BRWD3: variants seen among roughly 807,000 people sequenced by gnomAD.
BRWD3 encodes the protein bromodomain and WD repeat domain containing 3.
A neutral mutation model predicts 149.7 loss-of-function variants in BRWD3; 10 were observed. The observed-to-expected ratio is 0.07, with a 90% CI of 0.04 to 0.11. BRWD3 has a LOEUF of 0.11. Ranked by LOEUF, BRWD3 falls within the 10% of genes least tolerant of loss-of-function variation. The pLI, the probability that BRWD3 is intolerant of heterozygous loss-of-function variation, is 1.00. For synonymous variants in BRWD3, 504 were observed against 456.7 expected (o/e 1.10, Z -1.32); for missense variants, 940 against 1,373.2 (o/e 0.68, Z 4.99).
At chrX:80,783,396 A>G (rs1395233512) in intron 6 of BRWD3, among the ~76,000 whole-genome samples, 1 of 109,121 alleles carries the variant, frequency 9.2e-6, no homozygotes, top group African/African-American at 3.3e-5. Context: ...AAAAAAAAAA[A>G]AAAAAATCCA....
At chrX:80,804,053 C>A (rs1012917263) in intron 4 of BRWD3, among the ~76,000 whole-genome samples, 1 of 112,192 alleles carries the variant, frequency 8.9e-6, no homozygotes, top group Non-Finnish European at 1.9e-5. Context: ...CAATAACAAA[C>A]AATCTTTATA....
intron 14 of BRWD3, among the ~76,000 whole-genome samples, chrX:80,727,912 C>T (rs1309484830): frequency 8.9e-6 from 1 of 111,904 alleles, no homozygotes; most frequent in African/African-American, 3.2e-5. Flanking sequence ...TAAACTCTAG[C>T]ATGACAGGAC....
At chrX:80,725,855 TATAAC>T (rs768423759) in intron 14 of BRWD3, among the ~76,000 whole-genome samples, 62 of 106,641 alleles carry the variant, frequency 5.8e-4, no homozygotes, top group African/African-American at 1.7e-3. Flanking sequence ...TACATGCCTA[TATAAC>T]ATAACATGTT....
intron 8 of BRWD3, 40 bp from the exon 9 acceptor site, chrX:80,736,128 A>G (rs1281103994): frequency 1.2e-6 from 1 of 868,251 alleles, no homozygotes; most frequent in Non-Finnish European, 1.7e-6. Context: ...AAAAGTTTTC[A>G]TGTTCAGCCT....
At chrX:80,804,934 G>T (rs1464418290) in intron 4 of BRWD3, among the ~76,000 whole-genome samples, 1 of 111,721 alleles carries the variant, frequency 9.0e-6, no homozygotes, top group Non-Finnish European at 1.9e-5. Flanking sequence ...TTAAAATTCT[G>T]GAAAATTTAG....
In BRWD3 at chrX:80,690,097, G is replaced by A; in HGVS notation, c.3603-5C>T. The A allele has an allele frequency of 3.3e-6, 4 of 1,205,092 alleles. No homozygotes were observed. Among genetic ancestry groups the A allele is most frequent in the Non-Finnish European group, 4.5e-6 (4 of 890,926 alleles). On this transcript the variant is annotated splice_polypyrimidine_tract_variant and splice_region_variant and intron_variant, in intron 31 of 40. Coordinates refer to ENST00000373275, the MANE Select transcript of BRWD3 (RefSeq NM_153252.5). ...CACATTAATGCTGATATTCTCCTGTGAAAGAAAAAATACTCTGTTAGCCTT... is the reference window on the plus strand; with the variant it reads ...CACATTAATGCTGATATTCTCCTGTAAAAGAAAAAATACTCTGTTAGCCTT...
At position 80,725,144 on chromosome X, in the gene BRWD3, C is replaced by T. The variant is rs765217855; in HGVS notation, c.1387-77G>A. The T allele has an allele frequency of 1.2e-5, 12 of 1,029,527 alleles. No homozygotes were observed. In the South Asian group the frequency reaches 2.1e-4, roughly 18 times the overall value. The allele number at this position is 1,029,527 out of a possible 1,213,427, so 84.8% of individuals were successfully genotyped here. On this transcript the variant is annotated intron_variant, in intron 14 of 40. Coordinates refer to ENST00000373275, the MANE Select transcript of BRWD3 (RefSeq NM_153252.5). ...ATTTGGTAAAAAGGTCTTCAGTGTG[C>T]TATCAGTTAGGTTCAAATGAATTTA...
At position 80,760,510 on chromosome X, in the gene BRWD3, T is replaced by C. The variant is rs140855074; in HGVS notation, c.431-14781A>G. 3.2e-3 allele frequency among the ~76,000 whole-genome samples: 357 copies of C among 112,161 alleles called. 2 individuals are homozygous for C. Among genetic ancestry groups the C allele is most frequent in the African/African-American group, 0.011 (336 of 30,948 alleles). The stretch of plus-strand genomic sequence containing the variant: ...GAAATTAAGAACACTGAATGGACTT[T>C]GAAAAAAGGCACAGGAAAATGCCAT... On this transcript the variant is annotated intron_variant, in intron 6 of 40. Coordinates refer to ENST00000373275, the MANE Select transcript of BRWD3 (RefSeq NM_153252.5).
At position 80,793,742 on chromosome X, in the gene BRWD3, A is replaced by G. The variant is rs1185515187; in HGVS notation, c.211T>C (p.Tyr71His). 8.3e-7 allele frequency: 1 copy of G among 1,207,110 alleles called. No homozygotes were observed. The highest frequency in any genetic ancestry group is 1.1e-6 in the Non-Finnish European group (1 of 892,615). The change falls in exon 5 of 41, where the codon TAC (tyrosine) becomes CAC (histidine). Residue 71 changes from tyrosine to histidine, a missense_variant. Physicochemically the swap from Tyr to His is moderately conservative, Grantham distance 83. Coordinates refer to ENST00000373275, the MANE Select transcript of BRWD3 (RefSeq NM_153252.5). Reference sequence around the variant, plus strand: ...ATTCTCTCACAAATTTTAAGGAGGTAGTCTGGAGGAATGTGTGCATTTGCT... The same window carrying G: ...ATTCTCTCACAAATTTTAAGGAGGTGGTCTGGAGGAATGTGTGCATTTGCT... ...VAANAHIPPD[Y>H]LLKICERIGP...
chrX:80,776,294 C>T (rs1486333936), intron 6 of BRWD3, among the ~76,000 whole-genome samples: 1 of 111,588 alleles, frequency 9.0e-6, no homozygotes, highest in African/African-American at 3.3e-5. Flanking sequence ...ACTAACTAGT[C>T]CAGTCATTAT....
intron 6 of BRWD3, among the ~76,000 whole-genome samples, chrX:80,766,951 G>A (rs1454023516): frequency 8.9e-6 from 1 of 112,263 alleles, no homozygotes; most frequent in African/African-American, 3.2e-5. Flanking sequence ...GGCACACTAG[G>A]AGATTATAGC....
chrX:80,748,349 G>A (rs2073621989), intron 6 of BRWD3, among the ~76,000 whole-genome samples: 1 of 112,209 alleles, frequency 8.9e-6, no homozygotes, highest in African/African-American at 3.2e-5. Flanking sequence ...TTGGCCTTTA[G>A]TTTCCCTGTA....
At chrX:80,802,464 AAAAATT>A (rs2074310203) in intron 4 of BRWD3, among the ~76,000 whole-genome samples, 1 of 107,395 alleles carries the variant, frequency 9.3e-6, no homozygotes, top group African/African-American at 3.4e-5. Context: ...AAAAAAAAAA[AAAAATT>A]AAAAATTAAG....
At chrX:80,726,026 CATAT>C (rs72082762) in intron 14 of BRWD3, among the ~76,000 whole-genome samples, 4 of 107,624 alleles carry the variant, frequency 3.7e-5, no homozygotes, top group African/African-American at 1.3e-4. Flanking sequence ...GTCTATATAA[CATAT>C]AACATGTTTA....
At chrX:80,753,001 T>A (rs776901863) in intron 6 of BRWD3, among the ~76,000 whole-genome samples, 1 of 111,931 alleles carries the variant, frequency 8.9e-6, no homozygotes, top group East Asian at 2.8e-4. Context: ...CATTTGCACG[T>A]CTTCTTTTGA....
chrX:80,703,722 G>T, intron 23 of BRWD3, 129 bp from the exon 24 acceptor site: 1 of 454,474 alleles, frequency 2.2e-6, no homozygotes, highest in Non-Finnish European at 3.7e-6. Flanking sequence ...GAAACCTAAA[G>T]TATATAAATT....
chrX:80,734,187 G>A lies in BRWD3; in HGVS notation c.1017C>T (p.Asp339=), dbSNP rs756818268. The A allele has an allele frequency of 1.0e-5, 12 of 1,194,911 alleles. No individual in the cohort carries two copies. In the South Asian group the frequency reaches 1.9e-4, roughly 19 times the overall value. ...GGMFITTGST[D]HVIRIYYLGS... is the part of the protein sequence containing the mutation. The stretch of plus-strand genomic sequence containing the variant: ...CCAAATAATATATTCTAATCACATG[G>A]TCAGTACTACCAGTTGTAATGAACA... Residue 339 remains aspartate (D), a synonymous_variant, in exon 11 of 41, where the codon GAC becomes GAT. Coordinates refer to ENST00000373275, the MANE Select transcript of BRWD3 (RefSeq NM_153252.5).
rs2072339901 is a variant in BRWD3 at position 80,673,557 on chromosome X, A to G, written c.*3052T>C. 1 of 111,797 alleles carries G rather than the reference A, an allele frequency of 8.9e-6. No homozygotes were observed. The allele number at this position is 111,797 out of a possible 1,213,427, so 9.2% of individuals were successfully genotyped here. ...TATACAAAAATTTAGTAAGTAGGCT[A>G]GTAGGCTAGTGAATGTTTTAGAGAG... is the stretch of plus-strand genomic sequence containing the variant. On this transcript the variant is annotated 3_prime_UTR_variant, in exon 41 of 41. Transcript: ENST00000373275.
intron 21 of BRWD3, 117 bp from the exon 22 acceptor site, chrX:80,707,620 C>A (rs2072886467): frequency 1.6e-6 from 1 of 631,414 alleles, no homozygotes; most frequent in African/African-American, 2.2e-5. Context: ...AAAAAATGTT[C>A]TTCTTAAAAC....
Sources: allele counts gnomAD v4.1 joint callset (sites outside exome capture counted in the v4.1 genomes callset), GRCh38; gene constraint gnomAD v4.1.1; transcripts MANE v1.5; gene names NCBI Gene and HGNC (gene_info 2026-07-23, HGNC 2026-07-21).